Variants in GLCE observed in about 807,000 individuals in gnomAD.
GLCE encodes D-glucuronyl C5-epimerase.
Under a neutral mutation model 47.9 loss-of-function variants are expected in GLCE, and 19 were observed. The ratio of observed to expected loss-of-function variants is 0.40; its 90% CI spans 0.28 to 0.58. The LOEUF is 0.58. GLCE is among the 20% of genes least tolerant of loss of function. The probability of loss-of-function intolerance (pLI) is 0.48; values close to 1 mark genes in which losing one functional copy is unlikely to be tolerated. For missense variants in GLCE, 556 were observed against 743.3 expected (o/e 0.75, Z 2.93); for synonymous variants, 245 against 263.4 (o/e 0.93, Z 0.68).
At chr15:69,226,321 A>T (rs1180622701) in intron 2 of GLCE, among the ~76,000 whole-genome samples, 2 of 152,216 alleles carry the variant, frequency 1.3e-5, no homozygotes, top group African/African-American at 4.8e-5. Flanking sequence ...GTTAGATAGA[A>T]TTCTGAGTAC....
intron 3 of GLCE, among the ~76,000 whole-genome samples, chr15:69,259,558 CTT>C (rs2052983197): frequency 6.6e-6 from 1 of 152,062 alleles, no homozygotes. Context: ...AATTTTAAAC[CTT>C]TTTCCCCAAT....
At chr15:69,235,243 G>A (rs910962092) in intron 2 of GLCE, among the ~76,000 whole-genome samples, 1 of 151,562 alleles carries the variant, frequency 6.6e-6, no homozygotes, top group Admixed American at 6.6e-5. Flanking sequence ...AAGTAGCTGG[G>A]ATTACAGGCT....
intron 1 of GLCE, among the ~76,000 whole-genome samples, chr15:69,201,749 TC>T (rs2052079055): frequency 6.6e-6 from 1 of 151,632 alleles, no homozygotes; most frequent in African/African-American, 2.4e-5. Flanking sequence ...AATTTTGAGT[TC>T]AAAAATCCAG....
intron 2 of GLCE, among the ~76,000 whole-genome samples, chr15:69,218,339 A>G (rs2052335065): frequency 6.6e-6 from 1 of 151,708 alleles, no homozygotes; most frequent in Non-Finnish European, 1.5e-5. Flanking sequence ...GTGAAACCCC[A>G]TCTCTGCCAA....
chr15:69,190,910 A>G (rs1438306296), intron 1 of GLCE, among the ~76,000 whole-genome samples: 1 of 151,874 alleles, frequency 6.6e-6, no homozygotes, highest in Non-Finnish European at 1.5e-5. Context: ...TACTTGCACT[A>G]TTGTCTTAGG....
intron 2 of GLCE, among the ~76,000 whole-genome samples, chr15:69,237,858 C>A (rs4459495): frequency 0.027 from 4,165 of 152,196 alleles, 191 homozygotes; most frequent in African/African-American, 0.095. Context: ...TTTTCTTTTT[C>A]TTGGCTTTCC....
chr15:69,191,868 G>C (rs75076916), intron 1 of GLCE, among the ~76,000 whole-genome samples: 36 of 152,084 alleles, frequency 2.4e-4, no homozygotes, highest in African/African-American at 8.2e-4. Flanking sequence ...AGGTTGCCTT[G>C]TTTTTTTCCT....
At chr15:69,187,938 C>T (rs1365233674) in intron 1 of GLCE, among the ~76,000 whole-genome samples, 1 of 152,104 alleles carries the variant, frequency 6.6e-6, no homozygotes, top group African/African-American at 2.4e-5. Context: ...GTGGCACGCA[C>T]CTGTAGTCCC....
intron 1 of GLCE, among the ~76,000 whole-genome samples, chr15:69,188,379 T>C (rs2051860665): frequency 1.3e-5 from 2 of 152,262 alleles, no homozygotes; most frequent in African/African-American, 4.8e-5. Flanking sequence ...AGTTTTCTTA[T>C]AATATCTTAG....
intron 2 of GLCE, among the ~76,000 whole-genome samples, chr15:69,215,152 T>C (rs770985585): frequency 6.6e-6 from 1 of 152,048 alleles, no homozygotes; most frequent in Non-Finnish European, 1.5e-5. Context: ...ATGCATAGAG[T>C]CACATATCTA....
chr15:69,185,842 C>A (rs1293837152), intron 1 of GLCE, among the ~76,000 whole-genome samples: 1 of 152,060 alleles, frequency 6.6e-6, no homozygotes, highest in Non-Finnish European at 1.5e-5. Flanking sequence ...AAGTCCGGGC[C>A]ACCCCATCCT....
Position 69,249,568 on chromosome 15 carries a change from CAT to C in GLCE, c.-13-6224_-13-6223del, listed in dbSNP as rs2052806978. ...TTCTCAATCAAGGAATTATAGGAAA[CAT>C]AAATAGATGTGTAAGTAGATAAGAG... On this transcript the variant is annotated intron_variant, in intron 2 of 4. Transcript: ENST00000261858. Among the ~76,000 whole-genome samples the C allele has an allele frequency of 6.6e-5, 10 of 152,024 alleles. No homozygotes were observed. The South Asian group carries it at 2.1e-3, about 32-fold the overall frequency.
chr15:69,229,888 A>G (rs2052498593), intron 2 of GLCE, among the ~76,000 whole-genome samples: 1 of 151,852 alleles, frequency 6.6e-6, no homozygotes, highest in African/African-American at 2.4e-5. Context: ...ACAAAAACTC[A>G]CATTGAATAT....
chr15:69,260,815 A>C (rs537403361), intron 3 of GLCE: 91 of 351,116 alleles, frequency 2.6e-4, no homozygotes, highest in African/African-American at 1.7e-3. Flanking sequence ...AAAGTAACAC[A>C]CACAAAAAGC....
At chr15:69,223,609 T>C (rs2052406253) in intron 2 of GLCE, among the ~76,000 whole-genome samples, 1 of 152,230 alleles carries the variant, frequency 6.6e-6, no homozygotes, top group Non-Finnish European at 1.5e-5. Flanking sequence ...TTTATACTCG[T>C]GTCTTTCATC....
intron 1 of GLCE, among the ~76,000 whole-genome samples, chr15:69,195,999 TA>T (rs1428780446): frequency 3.9e-5 from 6 of 152,000 alleles, no homozygotes; most frequent in Admixed American, 3.3e-4. Flanking sequence ...CTGTATCAGA[TA>T]GCAAAATAAA....
rs1456644232 is a variant in GLCE, at chr15:69,211,113, A to AGGGTCT, written c.-14+709_-14+714dup. On this transcript the variant is annotated intron_variant, in intron 2 of 4. Coordinates refer to ENST00000261858, the MANE Select transcript of GLCE (RefSeq NM_015554.3). ...CAGGAACTCTAATTTCTTGAAGTGA[A>AGGGTCT]GGGTCTGTATTATTTCTTGGGAGGT... Among the ~76,000 whole-genome samples the AGGGTCT allele has an allele frequency of 5.9e-5, 9 of 152,220 alleles. No homozygotes were observed. In the East Asian group the frequency reaches 1.5e-3, roughly 26 times the overall value.
At chr15:69,248,687 C>T (rs1360389921) in intron 2 of GLCE, among the ~76,000 whole-genome samples, 4 of 152,106 alleles carry the variant, frequency 2.6e-5, no homozygotes, top group East Asian at 3.9e-4. Flanking sequence ...AGTGCAATGG[C>T]GATCTCAGCT....
At chr15:69,200,036 G>A (rs902042226) in intron 1 of GLCE, among the ~76,000 whole-genome samples, 5 of 152,070 alleles carry the variant, frequency 3.3e-5, no homozygotes, top group African/African-American at 1.2e-4. Flanking sequence ...TATATGCAGA[G>A]CAAAGACTTC....
Sources: allele counts gnomAD v4.1 joint callset (sites outside exome capture counted in the v4.1 genomes callset), GRCh38; gene constraint gnomAD v4.1.1; transcripts MANE v1.5; gene names NCBI Gene and HGNC (gene_info 2026-07-23, HGNC 2026-07-21).